The following MARCHF1 variants were observed in gnomAD, a reference collection of about 807,000 sequenced individuals.
The protein encoded by MARCHF1 is E3 ubiquitin-protein ligase MARCHF1.
MARCHF1 carries 40 observed loss-of-function variants against 54.2 expected under a neutral mutation model. The ratio of observed to expected loss-of-function variants is 0.74; its 90% confidence interval spans 0.57 to 0.96. The LOEUF is 0.96. Among genes scored for constraint, MARCHF1 ranks in the 40% least tolerant of loss-of-function variants. MARCHF1 has a pLI of 0.00. For synonymous variants in MARCHF1, 236 were observed against 236.3 expected (o/e 1.00, Z 0.01); for missense variants, 586 against 656.5 (o/e 0.89, Z 1.17).
intron 2 of MARCHF1, among the ~76,000 whole-genome samples, chr4:164,051,866 A>G (rs1404120126): frequency 6.6e-6 from 1 of 152,198 alleles, no homozygotes; most frequent in Non-Finnish European, 1.5e-5. Context: ...GGAGAATTTT[A>G]GAATTCTATA....
At chr4:163,977,915 A>C (rs937318604) in intron 3 of MARCHF1, among the ~76,000 whole-genome samples, 1 of 152,210 alleles carries the variant, frequency 6.6e-6, no homozygotes, top group Non-Finnish European at 1.5e-5. Flanking sequence ...ACAACCAGTA[A>C]AATAAAAGGC....
intron 2 of MARCHF1, among the ~76,000 whole-genome samples, chr4:164,026,898 A>G (rs990447765): frequency 6.6e-6 from 1 of 152,188 alleles, no homozygotes; most frequent in African/African-American, 2.4e-5. Context: ...GTTTCAGGAT[A>G]CAAAATCAGT....
chr4:163,539,770 A>T (rs1034157446), intron 9 of MARCHF1, among the ~76,000 whole-genome samples: 5 of 152,190 alleles, frequency 3.3e-5, no homozygotes, highest in African/African-American at 1.2e-4. Flanking sequence ...ATAAACTAAA[A>T]CACCCTTAAA....
chr4:163,815,906 TCTTAA>T (rs958984388), intron 4 of MARCHF1, among the ~76,000 whole-genome samples: 1 of 152,180 alleles, frequency 6.6e-6, no homozygotes, highest in Non-Finnish European at 1.5e-5. Context: ...TTTTCAATAA[TCTTAA>T]CTTCTTTCAC....
chr4:163,615,194 G>A (rs1000070951), intron 5 of MARCHF1, among the ~76,000 whole-genome samples: 1 of 152,092 alleles, frequency 6.6e-6, no homozygotes, highest in African/African-American at 2.4e-5. Flanking sequence ...GTCCCAGGAG[G>A]TGGGGTGATC....
At position 163,923,276 on chromosome 4, in the gene MARCHF1, G is replaced by T. The variant is rs192363359; in HGVS notation, c.-39+65225C>A. ...TGCATTATTACCTTATATATGTACT[G>T]CTCTGAAATCCATTTTCAAAATGAA... On this transcript the variant is annotated intron_variant, in intron 3 of 9. Coordinates refer to ENST00000514618, the MANE Select transcript of MARCHF1 (RefSeq NM_001394959.1). 2.6e-5 allele frequency among the ~76,000 whole-genome samples: 4 copies of T among 152,122 alleles called. No individual in the cohort carries two copies. The East Asian group carries it at 7.7e-4, about 29-fold the overall frequency.
intron 7 of MARCHF1, among the ~76,000 whole-genome samples, chr4:163,609,462 C>T (rs1165959260): frequency 2.0e-5 from 3 of 151,948 alleles, no homozygotes; most frequent in Non-Finnish European, 2.9e-5. Context: ...TTGTTCTTCC[C>T]TTTCCTTATC....
intron 9 of MARCHF1, among the ~76,000 whole-genome samples, chr4:163,544,000 A>C (rs1389971631): frequency 1.3e-5 from 2 of 152,136 alleles, no homozygotes; most frequent in Admixed American, 1.3e-4. Context: ...CATCTAATCT[A>C]AGGGTATCAT....
intron 1 of MARCHF1, among the ~76,000 whole-genome samples, chr4:164,323,188 T>A (rs1228223546): frequency 1.3e-5 from 2 of 151,894 alleles, no homozygotes; most frequent in South Asian, 4.1e-4. Context: ...ATGCTGATCA[T>A]ATTATAATAA....
At chr4:163,844,548 A>G (rs924323324) in intron 4 of MARCHF1, among the ~76,000 whole-genome samples, 5 of 152,180 alleles carry the variant, frequency 3.3e-5, no homozygotes, top group African/African-American at 9.6e-5. Context: ...TTTAAAAAAA[A>G]CCAAACTGCA....
chr4:164,356,594 C>T (rs1321401255), intron 1 of MARCHF1, among the ~76,000 whole-genome samples: 1 of 138,374 alleles, frequency 7.2e-6, no homozygotes, highest in Non-Finnish European at 1.6e-5. Context: ...TGAAGGGGAT[C>T]ACACTCTGGG....
chr4:163,668,758 G>A (rs1463075528), intron 5 of MARCHF1, among the ~76,000 whole-genome samples: 1 of 152,112 alleles, frequency 6.6e-6, no homozygotes, highest in African/African-American at 2.4e-5. Flanking sequence ...ACCAAATATA[G>A]CAGAATCCAA....
At chr4:163,925,145 T>C (rs950081025) in intron 3 of MARCHF1, among the ~76,000 whole-genome samples, 1 of 151,872 alleles carries the variant, frequency 6.6e-6, no homozygotes, top group African/African-American at 2.4e-5. Flanking sequence ...AACGCTGGCA[T>C]TTTTGAAATT....
At chr4:163,746,695 T>C (rs537329130) in intron 4 of MARCHF1, among the ~76,000 whole-genome samples, 16 of 152,174 alleles carry the variant, frequency 1.1e-4, no homozygotes, top group Non-Finnish European at 1.9e-4. Flanking sequence ...TTTTCATGAT[T>C]TTTTTGGAAA....
chr4:163,744,220 C>G (rs189521253), intron 4 of MARCHF1, among the ~76,000 whole-genome samples: 2 of 152,138 alleles, frequency 1.3e-5, no homozygotes, highest in Non-Finnish European at 2.9e-5. Flanking sequence ...TGAATTTTCA[C>G]GGCATTTTAT....
chr4:164,197,668 G>T lies in MARCHF1; in HGVS notation c.-322-86006C>A, dbSNP rs143149830. On this transcript the variant is annotated intron_variant, in intron 1 of 9. Transcript: ENST00000514618. ...GGCAAGTTCTTTCACATCAGAGGGC[G>T]CCCTGTTCCGCAGCTCTGAATGAAT... is the stretch of plus-strand genomic sequence containing the variant. The T allele has an allele frequency of 1.4e-5, 23 of 1,612,430 alleles. No homozygotes were observed. In the South Asian group the frequency reaches 2.3e-4, roughly 16 times the overall value.
At chr4:164,213,935 T>A (rs1304803629) in intron 1 of MARCHF1, among the ~76,000 whole-genome samples, 1 of 152,124 alleles carries the variant, frequency 6.6e-6, no homozygotes, top group African/African-American at 2.4e-5. Context: ...ATAACTGGAT[T>A]GTTTGTAAAC....
chr4:163,733,135 G>C (rs1745894157), intron 4 of MARCHF1, among the ~76,000 whole-genome samples: 1 of 138,508 alleles, frequency 7.2e-6, no homozygotes, highest in African/African-American at 2.7e-5. Context: ...CTGGGTGACA[G>C]AGCAAGACTC....
chr4:163,947,100 A>T (rs75465255), intron 3 of MARCHF1, among the ~76,000 whole-genome samples: 1,896 of 152,294 alleles, frequency 0.012, 43 homozygotes, highest in African/African-American at 0.043. Flanking sequence ...TGTACATAGA[A>T]ATGGTGTAAA....
Sources: gnomAD v4.1 joint callset for allele counts (sites outside exome capture counted in the v4.1 genomes callset) on GRCh38, gnomAD v4.1.1 for gene constraint, MANE v1.5 for transcripts, NCBI Gene and HGNC (gene_info 2026-07-23, HGNC 2026-07-21) for gene names.